The following NXPE2 variants were observed in gnomAD, a reference collection of about 807,000 sequenced individuals.
NXPE2 encodes neurexophilin and PC-esterase domain family member 2.
Under a neutral mutation model 34.4 loss-of-function variants are expected in NXPE2, and 34 were observed. The observed-to-expected ratio is 0.99, with a 90% CI of 0.75 to 1.31. The LOEUF (loss-of-function observed/expected upper bound fraction) is 1.31, where lower values mean the gene tolerates loss of function less well. Among genes scored for constraint, NXPE2 ranks in the 40% most tolerant of loss-of-function variants. The pLI, the probability that NXPE2 is intolerant of heterozygous loss-of-function variation, is 0.00. For synonymous variants in NXPE2, 235 were observed against 231.3 expected (o/e 1.02, Z -0.15); for missense variants, 649 against 672.5 (o/e 0.97, Z 0.39).
chr11:114,754,904 AT>A, the NXPE2 span, among the ~76,000 whole-genome samples: 19 of 152,170 alleles, frequency 1.2e-4, no homozygotes, highest in Non-Finnish European at 2.4e-4. Context: ...AAATGTGTCT[AT>A]TTGTCAATGA....
the NXPE2 span, among the ~76,000 whole-genome samples, chr11:114,663,585 T>TCATC: frequency 7.2e-6 from 1 of 138,052 alleles, no homozygotes; most frequent in Non-Finnish European, 1.6e-5. Context: ...TCTCTATCTA[T>TCATC]CATCTATCTA....
At chr11:114,803,272 T>G in the NXPE2 span, among the ~76,000 whole-genome samples, 1 of 152,256 alleles carries the variant, frequency 6.6e-6, no homozygotes. Context: ...TAAGAAAAAC[T>G]GACAACCCGA....
At chr11:114,543,308 A>T in the NXPE2 span, among the ~76,000 whole-genome samples, 1 of 151,596 alleles carries the variant, frequency 6.6e-6, no homozygotes, top group African/African-American at 2.4e-5. Flanking sequence ...GTGAGCCAAG[A>T]TTGCACCATT....
the NXPE2 span, among the ~76,000 whole-genome samples, chr11:114,505,600 A>G: frequency 1.3e-5 from 2 of 152,198 alleles, no homozygotes; most frequent in African/African-American, 4.8e-5. Flanking sequence ...AGAAATTCCA[A>G]CCTAGAATTT....
At position 114,679,663 on chromosome 11, in the gene NXPE2, C is replaced by G; in HGVS notation, c.33C>G (p.Leu11=). The change falls in exon 2 of 6, where the codon CTC becomes CTG. Residue 11 remains leucine (L), a synonymous_variant. Transcript: ENST00000389586. Reference sequence around the variant, plus strand: ...CTCCTGTCCTTTCTTATAGGATACTCACTTTGTTTCCAAATGCCATAGCTC... The same window carrying G: ...CTCCTGTCCTTTCTTATAGGATACTGACTTTGTTTCCAAATGCCATAGCTC... MVEKILIHRI[L]TLFPNAIARK... is the part of the protein sequence containing the mutation. 1 of 1,539,914 alleles carries G rather than the reference C, an allele frequency of 6.5e-7. No homozygotes were observed. Among genetic ancestry groups the G allele is most frequent in the Non-Finnish European group, 8.8e-7 (1 of 1,136,830 alleles).
At chr11:114,571,890 G>A in the NXPE2 span, among the ~76,000 whole-genome samples, 1 of 152,350 alleles carries the variant, frequency 6.6e-6, no homozygotes, top group East Asian at 1.9e-4. Context: ...CTGCCTGTAG[G>A]ACAGCAGCTG....
the NXPE2 span, among the ~76,000 whole-genome samples, chr11:114,562,423 C>T: frequency 1.3e-5 from 2 of 152,218 alleles, no homozygotes; most frequent in Admixed American, 6.5e-5. Flanking sequence ...GGTCATACCT[C>T]ATGGCTGTCT....
At chr11:114,738,749 A>G in the NXPE2 span, among the ~76,000 whole-genome samples, 1 of 152,212 alleles carries the variant, frequency 6.6e-6, no homozygotes, top group Non-Finnish European at 1.5e-5. Context: ...TGTCATAAAA[A>G]GATCAGAGTC....
the NXPE2 span, among the ~76,000 whole-genome samples, chr11:114,526,322 T>C: frequency 6.6e-6 from 1 of 152,184 alleles, no homozygotes; most frequent in East Asian, 1.9e-4. Flanking sequence ...ATAGCAGCAA[T>C]AAGAAAATGA....
the NXPE2 span, among the ~76,000 whole-genome samples, chr11:114,507,507 A>C: frequency 3.3e-5 from 5 of 152,220 alleles, no homozygotes; most frequent in Non-Finnish European, 7.3e-5. Flanking sequence ...AATACTTGCA[A>C]ATCAAATACA....
At chr11:114,552,779 T>C in the NXPE2 span, 1 of 642,714 alleles carries the variant, frequency 1.6e-6, no homozygotes, top group Non-Finnish European at 1.9e-6. Context: ...CTATTGCACT[T>C]TTATAAATCT....
the NXPE2 span, among the ~76,000 whole-genome samples, chr11:114,571,712 A>G: frequency 6.6e-6 from 1 of 152,240 alleles, no homozygotes; most frequent in South Asian, 2.1e-4. Flanking sequence ...TCACTCAGAC[A>G]AACAGAGCAG....
the NXPE2 span, among the ~76,000 whole-genome samples, chr11:114,601,668 ATAT>A: frequency 1.4e-4 from 8 of 56,544 alleles, no homozygotes; most frequent in African/African-American, 6.8e-4. Flanking sequence ...AAATAATTAT[ATAT>A]TATAATTATA....
chr11:114,791,181 G>GAA, the NXPE2 span, among the ~76,000 whole-genome samples: 2 of 141,568 alleles, frequency 1.4e-5, no homozygotes, highest in Admixed American at 7.1e-5. Flanking sequence ...GATTCCGTTT[G>GAA]AAAAAAAAAA....
At chr11:114,652,355 G>T in the NXPE2 span, among the ~76,000 whole-genome samples, 1 of 152,192 alleles carries the variant, frequency 6.6e-6, no homozygotes, top group African/African-American at 2.4e-5. Context: ...AAAGCTCCCT[G>T]TGCCTAAGCT....
the NXPE2 span, among the ~76,000 whole-genome samples, chr11:114,644,971 AG>A: frequency 6.6e-6 from 1 of 152,142 alleles, no homozygotes; most frequent in South Asian, 2.1e-4. Flanking sequence ...TTGATGAAAA[AG>A]CATAAACACT....
downstream of NXPE2, among the ~76,000 whole-genome samples, chr11:114,708,954 C>G (rs549211816): frequency 6.6e-5 from 10 of 152,326 alleles, no homozygotes; most frequent in South Asian, 8.3e-4. Flanking sequence ...GTCTATATCA[C>G]TCTACAACTC....
At chr11:114,593,326 T>C in the NXPE2 span, among the ~76,000 whole-genome samples, 1 of 152,078 alleles carries the variant, frequency 6.6e-6, no homozygotes, top group African/African-American at 2.4e-5. Context: ...ACCAACTCTA[T>C]AGCAAAAATA....
chr11:114,724,832 T>G, the NXPE2 span, among the ~76,000 whole-genome samples: 1 of 141,974 alleles, frequency 7.0e-6, no homozygotes, highest in Non-Finnish European at 1.5e-5. Flanking sequence ...AGTATTGCTG[T>G]GGCTTCCATG....
Sources: allele counts gnomAD v4.1 joint callset (sites outside exome capture counted in the v4.1 genomes callset), GRCh38; gene constraint gnomAD v4.1.1; transcripts MANE v1.5; gene names NCBI Gene and HGNC (gene_info 2026-07-23, HGNC 2026-07-21).